Variants in TENT5C observed in about 807,000 individuals in gnomAD.
The protein encoded by TENT5C is family with sequence similarity 46 member C.
A neutral mutation model predicts 22.2 loss-of-function variants in TENT5C; 5 were observed. That is an observed-to-expected ratio of 0.22 (90% CI 0.12 to 0.47). The LOEUF is 0.47. Among genes scored for constraint, TENT5C ranks in the 20% least tolerant of loss-of-function variants. The pLI, the probability that TENT5C is intolerant of heterozygous loss-of-function variation, is 0.99. For synonymous variants in TENT5C, 199 were observed against 195.4 expected (o/e 1.02, Z -0.15); for missense variants, 364 against 500.9 (o/e 0.73, Z 2.61).
chr1:117,623,922 A>G lies in TENT5C; in HGVS notation c.1054A>G (p.Asn352Asp). The G allele has an allele frequency of 6.2e-7, 1 of 1,614,108 alleles. No homozygotes were observed. The highest frequency in any genetic ancestry group is 8.5e-7 in the Non-Finnish European group (1 of 1,180,018). The change falls in exon 2 of 2, where the codon AAC (asparagine) becomes GAC (aspartate). Residue 352 changes from asparagine (N) to aspartate (D), a missense_variant. Physicochemically the swap from Asn to Asp is conservative, Grantham distance 23. Transcript: ENST00000369448. The part of the protein sequence containing the change: ...AEQNIIPSAT[N>D]VTCYYQPAPY... ...ACAAAACATCATCCCCAGTGCCACC[A>G]ACGTCACCTGTTACTACCAGCCGGC...
rs576915898 is a variant in TENT5C at position 117,613,101 on chromosome 1, T to C, written c.-28+6948T>C. On this transcript the variant is annotated intron_variant, in intron 1 of 1. Coordinates refer to ENST00000369448, the MANE Select transcript of TENT5C (RefSeq NM_017709.4). ...GAAAGGCAGGCTCTCTTTGGGGAGC[T>C]CTTTAAATGAATTCAGACCAGTAAC... Among the ~76,000 whole-genome samples, 19 of 152,298 alleles carry C rather than the reference T, an allele frequency of 1.2e-4. No individual in the cohort carries two copies. The East Asian group carries it at 3.7e-3, about 29-fold the overall frequency.
chr1:117,622,766 A>T (rs1653921435), intron 1 of TENT5C, 76 bp from the exon 2 acceptor site: 4 of 956,480 alleles, frequency 4.2e-6, no homozygotes, highest in Non-Finnish European at 4.8e-6. Flanking sequence ...TTCAGAGATT[A>T]AACAGTGTGA....
intron 1 of TENT5C, among the ~76,000 whole-genome samples, chr1:117,608,067 C>A (rs1297071750): frequency 7.1e-6 from 1 of 141,324 alleles, no homozygotes; most frequent in Admixed American, 7.4e-5. Flanking sequence ...AGGGGGCTCC[C>A]ATAACAAAGT....
chr1:117,618,977 C>T (rs1653841164), intron 1 of TENT5C, among the ~76,000 whole-genome samples: 3 of 152,144 alleles, frequency 2.0e-5, no homozygotes, highest in East Asian at 1.9e-4. Context: ...ATTGTCATCT[C>T]GAATTGTTGA....
At chr1:117,617,182 T>C (rs558914763) in intron 1 of TENT5C, among the ~76,000 whole-genome samples, 1 of 152,234 alleles carries the variant, frequency 6.6e-6, no homozygotes, top group Admixed American at 6.5e-5. Context: ...AGATAAGCTA[T>C]GAAGCAGGAC....
intron 1 of TENT5C, among the ~76,000 whole-genome samples, chr1:117,611,565 G>A (rs980034484): frequency 2.0e-5 from 3 of 152,198 alleles, no homozygotes; most frequent in African/African-American, 7.2e-5. Flanking sequence ...ATTTGGCCAG[G>A]GGCAGTGACT....
chr1:117,626,945 A>C lies in TENT5C; in HGVS notation c.*2901A>C. ...CTCTCACATTGGCAGAATAGCACGC[A>C]CTAGATGCCTGACCTTGAGCTCTAG... is the stretch of plus-strand genomic sequence containing the variant. On this transcript the variant is annotated 3_prime_UTR_variant, in exon 2 of 2. Coordinates refer to ENST00000369448, the MANE Select transcript of TENT5C (RefSeq NM_017709.4). 4.0e-6 allele frequency: 1 copy of C among 248,162 alleles called. No individual in the cohort carries two copies. The highest frequency in any genetic ancestry group is 8.5e-6 in the Non-Finnish European group (1 of 118,122). The allele number at this position is 248,162 out of a possible 1,614,324, so 15.4% of individuals were successfully genotyped here.
chr1:117,609,359 A>C (rs191352475), intron 1 of TENT5C, among the ~76,000 whole-genome samples: 11 of 152,316 alleles, frequency 7.2e-5, no homozygotes, highest in Admixed American at 1.3e-4. Flanking sequence ...TCTGTTCTAG[A>C]ACTGTTTGAA....
intron 1 of TENT5C, among the ~76,000 whole-genome samples, chr1:117,612,689 C>T (rs1343750240): frequency 6.6e-6 from 1 of 152,158 alleles, no homozygotes; most frequent in East Asian, 1.9e-4. Flanking sequence ...GAACTATGCA[C>T]GTAATTAGCA....
At chr1:117,613,702 T>A (rs17037461) in intron 1 of TENT5C, among the ~76,000 whole-genome samples, 3,085 of 152,230 alleles carry the variant, frequency 0.02, 74 homozygotes, top group African/African-American at 0.054. Flanking sequence ...ATTTTTTGAC[T>A]CTAGTAAACA....
At chr1:117,617,951 AGT>A (rs1653821383) in intron 1 of TENT5C, among the ~76,000 whole-genome samples, 1 of 152,222 alleles carries the variant, frequency 6.6e-6, no homozygotes, top group Admixed American at 6.5e-5. Flanking sequence ...AATAGGCACA[AGT>A]GACTTATTTT....
intron 1 of TENT5C, among the ~76,000 whole-genome samples, chr1:117,614,513 C>T (rs555106858): frequency 7.9e-5 from 12 of 152,146 alleles, no homozygotes; most frequent in Non-Finnish European, 1.8e-4. Context: ...AGTTTTGTTC[C>T]AGCTCTCCTT....
At chr1:117,614,624 GC>G (rs1653741996) in intron 1 of TENT5C, among the ~76,000 whole-genome samples, 1 of 152,156 alleles carries the variant, frequency 6.6e-6, no homozygotes, top group African/African-American at 2.4e-5. Flanking sequence ...TGAGAAGGTT[GC>G]CGTCTCGACT....
chr1:117,617,253 C>T (rs765290653), intron 1 of TENT5C, among the ~76,000 whole-genome samples: 5 of 151,888 alleles, frequency 3.3e-5, no homozygotes, highest in African/African-American at 9.7e-5. Context: ...GACCAATCTG[C>T]GTTGAGCAGC....
intron 1 of TENT5C, among the ~76,000 whole-genome samples, chr1:117,622,323 G>C (rs1025159835): frequency 9.4e-4 from 15 of 16,000 alleles, no homozygotes; most frequent in African/African-American, 7.2e-3. Context: ...AGTCGTGTGT[G>C]TGTGTGTGTG....
chr1:117,622,736 C>T (rs1256257293), intron 1 of TENT5C, 106 bp from the exon 2 acceptor site: 2 of 748,282 alleles, frequency 2.7e-6, no homozygotes, highest in Non-Finnish European at 4.4e-6. Context: ...TGCTATTTAT[C>T]ACCATTTTAC....
chr1:117,615,950 G>C (rs1653773201), intron 1 of TENT5C, among the ~76,000 whole-genome samples: 1 of 152,160 alleles, frequency 6.6e-6, no homozygotes, highest in African/African-American at 2.4e-5. Flanking sequence ...TTTTTGTTAG[G>C]ACCAATAACG....
chr1:117,607,687 G>A (rs567931419), intron 1 of TENT5C, among the ~76,000 whole-genome samples: 2 of 152,278 alleles, frequency 1.3e-5, no homozygotes, highest in East Asian at 1.9e-4. Context: ...TTGGGCAGCC[G>A]CAAGAGTGGT....
At chr1:117,612,910 G>C (rs1248170563) in intron 1 of TENT5C, among the ~76,000 whole-genome samples, 1 of 152,218 alleles carries the variant, frequency 6.6e-6, no homozygotes, top group African/African-American at 2.4e-5. Context: ...CTGTAGGCTG[G>C]AGAGTTAGAT....
Sources: gnomAD v4.1 joint callset for allele counts (sites outside exome capture counted in the v4.1 genomes callset) on GRCh38, gnomAD v4.1.1 for gene constraint, MANE v1.5 for transcripts, NCBI Gene and HGNC (gene_info 2026-07-23, HGNC 2026-07-21) for gene names.